The following CRAMP1 variants were observed in gnomAD, a reference collection of about 807,000 sequenced individuals.
CRAMP1 encodes the protein cramped chromatin regulator 1.
A neutral mutation model predicts 115.4 loss-of-function variants in CRAMP1; 50 were observed. That is an observed-to-expected ratio of 0.43 (90% confidence interval 0.35 to 0.55). CRAMP1 has a LOEUF of 0.55. CRAMP1 is among the 20% of genes least tolerant of loss of function. The pLI, the probability that CRAMP1 is intolerant of heterozygous loss-of-function variation, is 0.01. For missense variants in CRAMP1, 1,679 were observed against 1,721.7 expected, an observed-to-expected ratio of 0.98 and a Z score of 0.44; for synonymous variants, 866 against 745.4, an observed-to-expected ratio of 1.16 and a Z score of -2.64.
At chr16:1,621,049 C>T (rs1325768553) in intron 2 of CRAMP1, among the ~76,000 whole-genome samples, 1 of 152,118 alleles carries the variant, frequency 6.6e-6, no homozygotes, top group Non-Finnish European at 1.5e-5. Context: ...TTTTAAGGTG[C>T]CATTTAAATA....
chr16:1,648,690 C>T (rs796477452), intron 6 of CRAMP1, among the ~76,000 whole-genome samples: 3 of 152,074 alleles, frequency 2.0e-5, no homozygotes, highest in South Asian at 4.1e-4. Context: ...CCGCCCTACT[C>T]TGACATCATT....
chr16:1,613,491 G>A (rs139768738), intron 1 of CRAMP1, among the ~76,000 whole-genome samples: 1 of 152,274 alleles, frequency 6.6e-6, no homozygotes, highest in African/African-American at 2.4e-5. Context: ...TTGAACGCAG[G>A]GTCAGTATCT....
intron 8 of CRAMP1, among the ~76,000 whole-genome samples, chr16:1,654,741 G>A (rs1228765610): frequency 2.0e-5 from 3 of 152,232 alleles, no homozygotes; most frequent in African/African-American, 4.8e-5. Flanking sequence ...TCATAGAAAC[G>A]GAATCACACG....
intron 20 of CRAMP1, 87 bp downstream of exon 20, chr16:1,670,896 T>A: frequency 7.7e-7 from 1 of 1,305,504 alleles, no homozygotes; most frequent in Non-Finnish European, 1.1e-6. Flanking sequence ...TGTGGGTTAG[T>A]AAGAGCTGTT....
intron 4 of CRAMP1, among the ~76,000 whole-genome samples, chr16:1,635,222 C>T (rs1324408757): frequency 1.3e-5 from 2 of 152,030 alleles, no homozygotes; most frequent in Non-Finnish European, 2.9e-5. Flanking sequence ...TTGAAGAGCA[C>T]ACCGTGTGCA....
chr16:1,666,011 A>C lies in CRAMP1; in HGVS notation c.2753-62A>C. ...TGTAAAGGAAGCCCCCTGCGGCCAC[A>C]TCCTGCTGTGAGGGCATGGCGGGCG... On this transcript the variant is annotated intron_variant, in intron 14 of 20. Transcript: ENST00000397412. The surrounding 1 kb of genome is among the most constrained non-coding windows in gnomAD (Gnocchi z 5.0). The C allele has an allele frequency of 8.6e-7, 1 of 1,160,338 alleles. No homozygotes were observed. The highest frequency in any genetic ancestry group is 1.3e-5 in the South Asian group (1 of 76,650). The allele number at this position is 1,160,338 out of a possible 1,614,324, so 71.9% of individuals were successfully genotyped here. A position where few individuals can be genotyped will look rare whatever the true frequency, so the allele number is the denominator to read the frequency against.
intron 3 of CRAMP1, 55 bp from the exon 4 acceptor site, chr16:1,632,157 C>T: frequency 6.6e-7 from 1 of 1,517,440 alleles, no homozygotes; most frequent in Non-Finnish European, 8.9e-7. Flanking sequence ...CCAGTTAACA[C>T]AGAAAGCTGC....
chr16:1,654,153 AAAAG>A (rs905423917), intron 8 of CRAMP1, among the ~76,000 whole-genome samples: 4 of 151,850 alleles, frequency 2.6e-5, no homozygotes, highest in African/African-American at 9.7e-5. Context: ...AAAAAAAAAA[AAAAG>A]AAAAAATTGA....
chr16:1,639,946 T>A (rs970737385), intron 5 of CRAMP1, among the ~76,000 whole-genome samples: 4 of 152,172 alleles, frequency 2.6e-5, no homozygotes, highest in African/African-American at 9.7e-5. Context: ...ATGACTTGAT[T>A]GCTGAGTGAG....
Position 1,669,051 on chromosome 16 carries a change from A to G in CRAMP1, c.3385A>G (p.Lys1129Glu). The G allele has an allele frequency of 6.2e-7, 1 of 1,612,880 alleles. No homozygotes were observed. The highest frequency in any genetic ancestry group is 1.1e-5 in the South Asian group (1 of 90,806). Residue 1129 changes from lysine to glutamate, a missense_variant, in exon 19 of 21, where the codon AAG becomes GAG. Coordinates refer to ENST00000397412, the MANE Select transcript of CRAMP1 (RefSeq NM_020825.4). The surrounding 1 kb of genome is among the most constrained non-coding windows in gnomAD (Gnocchi z 4.6). Reference sequence around the variant, plus strand: ...AAAACTGAATGGCAGTGACAGTTCCAAGAGCCTTCCCTCCCCGTCCAGCAG... The same window carrying G: ...AAAACTGAATGGCAGTGACAGTTCCGAGAGCCTTCCCTCCCCGTCCAGCAG... ...PAKLNGSDSS[K>E]SLPSPSSSPQ...
rs201284222 is a variant in CRAMP1, at chr16:1,668,043, A to G, written c.3184A>G (p.Ser1062Gly). The G allele has an allele frequency of 2.7e-5, 43 of 1,613,652 alleles. No individual in the cohort carries two copies. In the Admixed American group the frequency reaches 7.2e-4, roughly 27 times the overall value. Residue 1062 changes from serine (S) to glycine (G), a missense_variant, in exon 18 of 21, where the codon AGC becomes GGC. Ser to Gly is a moderately conservative substitution (Grantham distance 56). Coordinates refer to ENST00000397412, the MANE Select transcript of CRAMP1 (RefSeq NM_020825.4). ...GLSIPLSSSE[S>G]SSTRLSPPDV... ...CTCCATACCGCTGTCCTCGTCAGAGAGCTCCAGCACCCGGCTGTCTCCACC... is the reference window on the plus strand; with the variant it reads ...CTCCATACCGCTGTCCTCGTCAGAGGGCTCCAGCACCCGGCTGTCTCCACC...
chr16:1,628,311 T>A (rs1256344286), intron 3 of CRAMP1, among the ~76,000 whole-genome samples: 1 of 152,252 alleles, frequency 6.6e-6, no homozygotes, highest in African/African-American at 2.4e-5. Context: ...TGGAGCGCAG[T>A]GGCACGATCT....
intron 6 of CRAMP1, among the ~76,000 whole-genome samples, chr16:1,651,909 C>T (rs374128921): frequency 3.3e-5 from 5 of 149,960 alleles, no homozygotes; most frequent in African/African-American, 9.9e-5. Context: ...ATGGAGGTCA[C>T]GGGGAGGTGA....
At position 1,675,813 on chromosome 16, in the gene CRAMP1, G is replaced by A. The variant is rs147126727; in HGVS notation, c.*1768G>A. The stretch of plus-strand genomic sequence containing the variant: ...TAAGCAAACAGTCCCAAACCTCTTA[G>A]GGGTGAAAAAAGAAACATGCCACTT... On this transcript the variant is annotated 3_prime_UTR_variant, in exon 21 of 21. Coordinates refer to ENST00000397412, the MANE Select transcript of CRAMP1 (RefSeq NM_020825.4). 1 of 152,224 alleles carries A rather than the reference G, an allele frequency of 6.6e-6. No homozygotes were observed. Among genetic ancestry groups the A allele is most frequent in the Admixed American group, 6.5e-5 (1 of 15,284 alleles). 9.4% of individuals were successfully genotyped at this position (152,224 alleles called of 1,614,324 possible).
At chr16:1,670,237 C>T (rs1030834424) in intron 19 of CRAMP1, among the ~76,000 whole-genome samples, 1 of 151,532 alleles carries the variant, frequency 6.6e-6, no homozygotes, top group Non-Finnish European at 1.5e-5. Context: ...GCACTGCAGC[C>T]TGGGCAAGAG....
At position 1,662,626 on chromosome 16, in the gene CRAMP1, T is replaced by C; in HGVS notation, c.2550T>C (p.Ser850=). 6.2e-7 allele frequency: 1 copy of C among 1,613,968 alleles called. No homozygotes were observed. Among genetic ancestry groups the C allele is most frequent in the Non-Finnish European group, 8.5e-7 (1 of 1,179,880 alleles). The change falls in exon 12 of 21, where the codon AGT becomes AGC. Residue 850 remains serine (S), a synonymous_variant. Transcript: ENST00000397412. ...NSRHGKLFSP[S]KEAELTFRQH... Reference sequence around the variant, plus strand: ...GACACGGGAAGCTCTTCTCTCCCAGTAAAGAAGCAGAGCTGACTTTCCGCC... The same window carrying C: ...GACACGGGAAGCTCTTCTCTCCCAGCAAAGAAGCAGAGCTGACTTTCCGCC...
chr16:1,637,168 C>T (rs1162257764), intron 4 of CRAMP1, among the ~76,000 whole-genome samples: 1 of 152,192 alleles, frequency 6.6e-6, no homozygotes, highest in Non-Finnish European at 1.5e-5. Context: ...ATGGTGTGCA[C>T]CTGTAATCTC....
chr16:1,632,500 C>T, intron 4 of CRAMP1, 135 bp downstream of exon 4: 1 of 892,134 alleles, frequency 1.1e-6, no homozygotes, highest in Non-Finnish European at 1.7e-6. Context: ...GGGCTCCTCG[C>T]CTTGCAGCGC....
chr16:1,668,557 G>A (rs1182983853), intron 18 of CRAMP1, among the ~76,000 whole-genome samples: 3 of 152,304 alleles, frequency 2.0e-5, no homozygotes, highest in East Asian at 3.9e-4. Context: ...TGTGGGCTTT[G>A]GTCTCACCTG....
Sources: allele counts gnomAD v4.1 joint callset (sites outside exome capture counted in the v4.1 genomes callset), GRCh38; gene constraint gnomAD v4.1.1; non-coding constraint Gnocchi (gnomAD v3.1); transcripts MANE v1.5; gene names NCBI Gene and HGNC (gene_info 2026-07-23, HGNC 2026-07-21).